ARMC9: variants seen among roughly 807,000 people sequenced by gnomAD.
ARMC9 encodes the protein armadillo repeat containing 9.
ARMC9 carries 94 observed loss-of-function variants against 107.0 expected under a neutral mutation model. The observed-to-expected ratio is 0.88, with a 90% CI of 0.74 to 1.04. ARMC9 has a LOEUF of 1.04. ARMC9 is among the 50% of genes least tolerant of loss of function. ARMC9 has a pLI of 0.00. For missense variants in ARMC9, 942 were observed against 1,030.1 expected, an observed-to-expected ratio of 0.91 and a Z score of 1.17; for synonymous variants, 380 against 396.9, an observed-to-expected ratio of 0.96 and a Z score of 0.51.
Position 231,255,296 on chromosome 2 carries a change from T to G in ARMC9, c.880-1290T>G, listed in dbSNP as rs2125401665. Among the ~76,000 whole-genome samples the G allele has an allele frequency of 6.7e-6, 1 of 150,072 alleles. No homozygotes were observed. The highest frequency in any genetic ancestry group is 2.0e-4 in the East Asian group (1 of 5,056). The stretch of plus-strand genomic sequence containing the variant: ...GGACAGGATCAGGATTAAAAGAGAG[T>G]GGGGTGGAAGAGGGGTTGTTAATGT... On this transcript the variant is annotated intron_variant, in intron 9 of 24. Transcript: ENST00000611582. This position sits in a 1 kb window ranked among gnomAD's most constrained non-coding sequence, Gnocchi z 4.7.
At chr2:231,259,769 G>A (rs1193257339) in intron 11 of ARMC9, among the ~76,000 whole-genome samples, 1 of 152,162 alleles carries the variant, frequency 6.6e-6, no homozygotes, top group Non-Finnish European at 1.5e-5. Flanking sequence ...GAGGCAGGTG[G>A]ATCACCTGAG....
chr2:231,259,481 A>G (rs1051517292), intron 11 of ARMC9, among the ~76,000 whole-genome samples: 5 of 152,268 alleles, frequency 3.3e-5, no homozygotes, highest in Admixed American at 2.6e-4. Context: ...ACAGGCACCA[A>G]CGAAAGAACT....
chr2:231,305,536 C>T (rs530208223), intron 19 of ARMC9, among the ~76,000 whole-genome samples: 8 of 152,190 alleles, frequency 5.3e-5, no homozygotes, highest in Non-Finnish European at 1.2e-4. Context: ...ACGTTTACAG[C>T]TTCATCTTTA....
In ARMC9 at chr2:231,340,593, A is replaced by C. The variant is rs576620642; in HGVS notation, c.1879-4382A>C. 4.6e-5 allele frequency among the ~76,000 whole-genome samples: 7 copies of C among 152,258 alleles called. No individual in the cohort carries two copies. In the East Asian group the frequency reaches 1.4e-3, roughly 29 times the overall value. ...TGAATCATGGAAATTTTTCCCACTA[A>C]ATCTAAATTAAGGCCAGGCTGAGTG... On this transcript the variant is annotated intron_variant, in intron 20 of 24. Coordinates refer to ENST00000611582, the MANE Select transcript of ARMC9 (RefSeq NM_001352754.2).
At chr2:231,311,800 T>C (rs933883837) in intron 19 of ARMC9, among the ~76,000 whole-genome samples, 5 of 148,914 alleles carry the variant, frequency 3.4e-5, no homozygotes, top group Non-Finnish European at 7.4e-5. Flanking sequence ...AAAAAAATAT[T>C]GTGCAGGGGT....
intron 19 of ARMC9, among the ~76,000 whole-genome samples, 193 bp downstream of exon 19, chr2:231,296,446 C>T (rs1052885663): frequency 6.6e-6 from 1 of 152,170 alleles, no homozygotes; most frequent in African/African-American, 2.4e-5. Flanking sequence ...GGGAGCCCAG[C>T]GGCCATGTTT....
chr2:231,284,443 T>C (rs750365066), intron 17 of ARMC9, among the ~76,000 whole-genome samples: 5 of 152,222 alleles, frequency 3.3e-5, no homozygotes, highest in African/African-American at 4.8e-5. Flanking sequence ...TTGCTCAGTT[T>C]ATAGTTGAGA....
At chr2:231,225,917 C>T (rs1445520158) in intron 6 of ARMC9, among the ~76,000 whole-genome samples, 8 of 152,166 alleles carry the variant, frequency 5.3e-5, no homozygotes, top group Non-Finnish European at 1.0e-4. Flanking sequence ...AGTGAAATGG[C>T]GTGATCTTGG....
Position 231,370,576 on chromosome 2 carries a change from C to G in ARMC9, c.2434+451C>G, listed in dbSNP as rs185818317. ...GGCCCAGCCTCGGTCAGGCCACCCC[C>G]AGGTCAAACAGAAGCGGGTGTCTGC... On this transcript the variant is annotated intron_variant, in intron 24 of 24. Transcript: ENST00000611582. The G allele has an allele frequency of 6.9e-4, 112 of 161,928 alleles. 1 individual carries two copies. The East Asian group carries it at 0.015, about 21-fold the overall frequency. 10.0% of individuals were successfully genotyped at this position (161,928 alleles called of 1,614,324 possible).
intron 11 of ARMC9, among the ~76,000 whole-genome samples, chr2:231,261,409 C>A (rs1367028244): frequency 6.6e-6 from 1 of 152,248 alleles, no homozygotes; most frequent in African/African-American, 2.4e-5. Context: ...CCTCTACACT[C>A]ATGCATGCAC....
Position 231,255,974 on chromosome 2 carries a change from A to C in ARMC9, c.880-612A>C. The C allele has an allele frequency of 1.1e-6, 1 of 910,350 alleles. No homozygotes were observed. Among genetic ancestry groups the C allele is most frequent in the Non-Finnish European group, 1.6e-6 (1 of 619,518 alleles). 56.4% of individuals were successfully genotyped at this position (910,350 alleles called of 1,614,324 possible). A position where few individuals can be genotyped will look rare whatever the true frequency, so the allele number is the denominator to read the frequency against. On this transcript the variant is annotated intron_variant, in intron 9 of 24. Transcript: ENST00000611582. The surrounding 1 kb of genome is among the most constrained non-coding windows in gnomAD (Gnocchi z 4.7). ...AGAATGGCGTGAACCCGGTAGGCGG[A>C]GGTTGCGGTGAGCCAAGATTGCGCC...
intron 1 of ARMC9, among the ~76,000 whole-genome samples, chr2:231,203,981 A>T (rs1193359391): frequency 6.6e-6 from 1 of 151,888 alleles, no homozygotes; most frequent in African/African-American, 2.4e-5. Flanking sequence ...AAACAAAAAA[A>T]AACCTCACCA....
intron 19 of ARMC9, among the ~76,000 whole-genome samples, chr2:231,329,466 C>T (rs777459732): frequency 5.9e-5 from 9 of 152,066 alleles, no homozygotes; most frequent in South Asian, 4.2e-4. Context: ...TGCGCCACCA[C>T]GCCCAGCTAA....
At chr2:231,357,574 T>A (rs2045395309) in intron 22 of ARMC9, among the ~76,000 whole-genome samples, 2 of 146,856 alleles carry the variant, frequency 1.4e-5, no homozygotes, top group Non-Finnish European at 2.9e-5. Context: ...TTTTATTTTA[T>A]TTTACTTTAT....
intron 19 of ARMC9, 48 bp from the exon 20 acceptor site, chr2:231,331,745 G>T (rs549152291): frequency 1.3e-6 from 2 of 1,541,148 alleles, no homozygotes; most frequent in South Asian, 2.3e-5. Flanking sequence ...CGCCTTGGGA[G>T]CTTGTGTCAG....
chr2:231,312,864 G>A (rs940553164), intron 19 of ARMC9, among the ~76,000 whole-genome samples: 1 of 152,140 alleles, frequency 6.6e-6, no homozygotes, highest in Non-Finnish European at 1.5e-5. Context: ...TGCCTTGGGT[G>A]TATAGTATAC....
In ARMC9 at chr2:231,369,990, C is replaced by T; in HGVS notation, c.2299C>T (p.Pro767Ser). ...ASAFTCKPRA[P>S]CTPEMLDWNP... The stretch of plus-strand genomic sequence containing the variant: ...AGCCTTCACCTGCAAGCCCCGGGCC[C>T]CCTGCACTCCAGAGATGCTGGACTG... Residue 767 changes from proline to serine, a missense_variant, in exon 24 of 25, where the codon CCC (proline) becomes TCC (serine). Coordinates refer to ENST00000611582, the MANE Select transcript of ARMC9 (RefSeq NM_001352754.2). The T allele has an allele frequency of 2.0e-6, 3 of 1,532,108 alleles. No homozygotes were observed. Among genetic ancestry groups the T allele is most frequent in the Non-Finnish European group, 1.7e-6 (2 of 1,144,402 alleles). 94.9% of individuals were successfully genotyped at this position (1,532,108 alleles called of 1,614,324 possible). A position where few individuals can be genotyped will look rare whatever the true frequency, so the allele number is the denominator to read the frequency against.
chr2:231,305,154 C>T (rs1472069976), intron 19 of ARMC9, among the ~76,000 whole-genome samples: 7 of 152,204 alleles, frequency 4.6e-5, no homozygotes, highest in African/African-American at 1.7e-4. Flanking sequence ...TCATCAAGGA[C>T]AGCCTTAAAT....
At chr2:231,333,766 G>A (rs1286156546) in intron 20 of ARMC9, among the ~76,000 whole-genome samples, 2 of 152,156 alleles carry the variant, frequency 1.3e-5, no homozygotes, top group African/African-American at 2.4e-5. Flanking sequence ...CCACACTACC[G>A]CACAGACAGA....
Sources: gnomAD v4.1 joint callset for allele counts (sites outside exome capture counted in the v4.1 genomes callset) on GRCh38, gnomAD v4.1.1 for gene constraint, Gnocchi (gnomAD v3.1) non-coding constraint, MANE v1.5 for transcripts, NCBI Gene and HGNC (gene_info 2026-07-23, HGNC 2026-07-21) for gene names.